The following HDAC7 variants were observed in gnomAD, a reference collection of about 807,000 sequenced individuals.
HDAC7 encodes histone deacetylase 7A.
A neutral mutation model predicts 115.5 loss-of-function variants in HDAC7; 26 were observed. The observed-to-expected ratio is 0.23, with a 90% confidence interval of 0.16 to 0.31. The LOEUF (loss-of-function observed/expected upper bound fraction) is 0.31, where lower values mean the gene tolerates loss of function less well. HDAC7 is among the 10% of genes least tolerant of loss of function. The probability of loss-of-function intolerance (pLI) is 1.00; values close to 1 mark genes in which losing one functional copy is unlikely to be tolerated. For missense variants in HDAC7, 1,068 were observed against 1,329.0 expected (o/e 0.80, Z 3.05); for synonymous variants, 564 against 550.9 (o/e 1.02, Z -0.33).
chr12:47,791,182 G>C lies in HDAC7; in HGVS notation c.1983+77C>G, dbSNP rs1199275961. On this transcript the variant is annotated intron_variant, in intron 16 of 25. Transcript: ENST00000080059. ...CACAACAAGCAGAGGTTCTGCAGGGGCTGGGCCTGGGAGAACCACAGGGAG... is the reference window on the plus strand; with the variant it reads ...CACAACAAGCAGAGGTTCTGCAGGGCCTGGGCCTGGGAGAACCACAGGGAG... 27 of 1,348,500 alleles carry C rather than the reference G, an allele frequency of 2.0e-5. No individual in the cohort carries two copies. In the East Asian group the frequency reaches 6.7e-4, roughly 34 times the overall value. 83.5% of individuals were successfully genotyped at this position (1,348,500 alleles called of 1,614,324 possible).
chr12:47,816,922 A>G (rs1483461749), intron 1 of HDAC7, among the ~76,000 whole-genome samples: 1 of 152,074 alleles, frequency 6.6e-6, no homozygotes, highest in Non-Finnish European at 1.5e-5. Context: ...GTCCATGCTC[A>G]CTCAGGCCAC....
Position 47,789,350 on chromosome 12 carries a change from TG to T in HDAC7, c.2148-3del. Reference sequence around the variant, plus strand: ...ACTGAGTTGAAGAAGCAGAAGCCCCTGGAAGGAGAGACAGGTCCTGCCAGCC... The same window carrying T: ...ACTGAGTTGAAGAAGCAGAAGCCCCTGAAGGAGAGACAGGTCCTGCCAGCC... On this transcript the variant is annotated splice_polypyrimidine_tract_variant and splice_region_variant and intron_variant, in intron 18 of 25. Transcript: ENST00000080059. 3 of 1,613,494 alleles carry T rather than the reference TG, an allele frequency of 1.9e-6. No individual in the cohort carries two copies. The highest frequency in any genetic ancestry group is 2.5e-6 in the Non-Finnish European group (3 of 1,179,686).
chr12:47,792,860 A>G, intron 13 of HDAC7: 1 of 366,144 alleles, frequency 2.7e-6, no homozygotes, highest in Non-Finnish European at 5.4e-6. Flanking sequence ...TAAGTAAAGC[A>G]GGATACAAAA....
chr12:47,795,040 G>T lies in HDAC7; in HGVS notation c.1285-107C>A. On this transcript the variant is annotated intron_variant, in intron 11 of 25. Transcript: ENST00000080059. The surrounding 1 kb of genome is among the most constrained non-coding windows in gnomAD (Gnocchi z 4.3). ...CAGTCATCTTGCTAGGACTCCAGCTGCCATGCAGCTCTGGGCCCCAAGAAG... is the reference window on the plus strand; with the variant it reads ...CAGTCATCTTGCTAGGACTCCAGCTTCCATGCAGCTCTGGGCCCCAAGAAG... 1 of 1,353,816 alleles carries T rather than the reference G, an allele frequency of 7.4e-7. No individual in the cohort carries two copies. Among genetic ancestry groups the T allele is most frequent in the Non-Finnish European group, 1.0e-6 (1 of 975,060 alleles). The allele number at this position is 1,353,816 out of a possible 1,614,324, so 83.9% of individuals were successfully genotyped here.
chr12:47,795,179 C>T lies in HDAC7; in HGVS notation c.1284+5G>A. On this transcript the variant is annotated splice_donor_5th_base_variant and intron_variant, in intron 11 of 25. Coordinates refer to ENST00000080059, the MANE Select transcript of HDAC7 (RefSeq NM_015401.5). The surrounding 1 kb of genome is among the most constrained non-coding windows in gnomAD (Gnocchi z 4.3). ...TCAATACCTCCACTGCCCAATTCCT[C>T]TCACCTTGATCACCTGGACGTGAGT... 6.2e-7 allele frequency: 1 copy of T among 1,610,574 alleles called. No individual in the cohort carries two copies.
chr12:47,802,726 G>C (rs751020565), intron 1 of HDAC7, among the ~76,000 whole-genome samples: 22 of 152,200 alleles, frequency 1.4e-4, no homozygotes, highest in African/African-American at 1.9e-4. Context: ...AGGAGAAAGG[G>C]AGGAGCAGGC....
At chr12:47,792,318 G>A (rs965205926) in intron 13 of HDAC7, 14 of 432,224 alleles carry the variant, frequency 3.2e-5, no homozygotes, top group Non-Finnish European at 4.6e-5. Flanking sequence ...CCCAGGACTC[G>A]AGGGCCCAGC....
chr12:47,802,632 C>T (rs1209383935), intron 1 of HDAC7: 6 of 663,086 alleles, frequency 9.0e-6, no homozygotes, highest in Non-Finnish European at 1.5e-5. Context: ...AGGCTCCCAT[C>T]GCCCGAGGGA....
Position 47,798,573 on chromosome 12 carries a change from T to A in HDAC7, c.338A>T (p.Lys113Met). The change falls in exon 4 of 26, where the codon AAG (lysine) becomes ATG (methionine). Residue 113 changes from lysine to methionine, a missense_variant. Lys to Met is a moderately conservative substitution (Grantham distance 95). This residue lies in a region of HDAC7 where 161 missense variants were observed against 158.5 expected (regional missense o/e 1.02). Coordinates refer to ENST00000080059, the MANE Select transcript of HDAC7 (RefSeq NM_015401.5). The surrounding 1 kb of genome is among the most constrained non-coding windows in gnomAD (Gnocchi z 4.3). Reference protein sequence around the residue: ...QELRQLLHKDKSKRSAVASSV... With the variant: ...QELRQLLHKDMSKRSAVASSV... The stretch of plus-strand genomic sequence containing the variant: ...GGCCACCTCCTTACTTCGCTTGCTC[T>A]TGTCCTTGTGGAGAAGCTGCCGCAG... The A allele has an allele frequency of 6.2e-7, 1 of 1,613,934 alleles. No homozygotes were observed. Among genetic ancestry groups the A allele is most frequent in the Non-Finnish European group, 8.5e-7 (1 of 1,179,874 alleles).
chr12:47,796,134 G>A (rs1943824099), intron 8 of HDAC7, 73 bp downstream of exon 8: 2 of 1,530,984 alleles, frequency 1.3e-6, no homozygotes, highest in East Asian at 4.7e-5. Context: ...CCCAGCCCAG[G>A]TAGGGCCGCC....
rs577764084 is a variant in HDAC7 at position 47,803,822 on chromosome 12, C to T, written c.20-1548G>A. ...GTGGTGGGCCTCAGAGGCAAACTCC[C>T]CTCCCCACGACATGGTAACCCCCAA... is the stretch of plus-strand genomic sequence containing the variant. On this transcript the variant is annotated intron_variant, in intron 1 of 25. Coordinates refer to ENST00000080059, the MANE Select transcript of HDAC7 (RefSeq NM_015401.5). This position sits in a 1 kb window ranked among gnomAD's most constrained non-coding sequence, Gnocchi z 4.0. Among the ~76,000 whole-genome samples the T allele has an allele frequency of 8.5e-5, 13 of 152,350 alleles. No homozygotes were observed. In the East Asian group the frequency reaches 2.5e-3, roughly 29 times the overall value.
At chr12:47,785,121 G>C (rs757832511) in intron 24 of HDAC7, 1 of 560,890 alleles carries the variant, frequency 1.8e-6, no homozygotes, top group Non-Finnish European at 3.2e-6. Context: ...CTGGTCTAGG[G>C]CTGTCGCTAG....
At position 47,797,115 on chromosome 12, in the gene HDAC7, T is replaced by G; in HGVS notation, c.605A>C (p.Tyr202Ser). Residue 202 changes from tyrosine to serine, a missense_variant, in exon 7 of 26, where the codon TAT becomes TCT. Coordinates refer to ENST00000080059, the MANE Select transcript of HDAC7 (RefSeq NM_015401.5). The surrounding 1 kb of genome is among the most constrained non-coding windows in gnomAD (Gnocchi z 5.5). ...TVSEPNLKLR[Y>S]KPKKSLERRK... ...CCGCTCCAGGGACTTCTTGGGCTTA[T>G]AGCGCAGCTTCAGGTTGGGCTCAGA... The G allele has an allele frequency of 6.2e-7, 1 of 1,605,538 alleles. No homozygotes were observed. Among genetic ancestry groups the G allele is most frequent in the Non-Finnish European group, 8.5e-7 (1 of 1,176,172 alleles).
At chr12:47,787,033 G>A (rs975433452) in intron 21 of HDAC7, among the ~76,000 whole-genome samples, 1 of 152,170 alleles carries the variant, frequency 6.6e-6, no homozygotes, top group Non-Finnish European at 1.5e-5. Flanking sequence ...GGGGTGCAGT[G>A]GCCGGAGCCA....
intron 1 of HDAC7, chr12:47,817,449 GCA>G (rs1944881128): frequency 6.6e-6 from 1 of 152,276 alleles, no homozygotes; most frequent in African/African-American, 2.4e-5. Flanking sequence ...ACACACAAAT[GCA>G]CAGTCCTGGG....
intron 16 of HDAC7, 67 bp downstream of exon 16, chr12:47,791,192 G>A: frequency 2.1e-6 from 3 of 1,421,896 alleles, no homozygotes; most frequent in Non-Finnish European, 2.9e-6. Context: ...GCTGGGCCTG[G>A]GAGAACCACA....
chr12:47,811,721 G>A (rs375332386), intron 1 of HDAC7, among the ~76,000 whole-genome samples: 2 of 152,144 alleles, frequency 1.3e-5, no homozygotes, highest in African/African-American at 4.8e-5. Context: ...GTGTGACCTC[G>A]GGCTCCCGTG....
intron 23 of HDAC7, 49 bp downstream of exon 23, chr12:47,785,703 G>T: frequency 6.4e-7 from 1 of 1,567,518 alleles, no homozygotes; most frequent in Non-Finnish European, 8.7e-7. Flanking sequence ...CCTGAGAGCC[G>T]GGCTTACCTG....
chr12:47,795,785 G>A lies in HDAC7; in HGVS notation c.907-18C>T. On this transcript the variant is annotated intron_variant, in intron 9 of 25. Transcript: ENST00000080059. This position sits in a 1 kb window ranked among gnomAD's most constrained non-coding sequence, Gnocchi z 4.3. ...CTGTCAGCCTGGGGGAGAGGCGGGA[G>A]AAGTCACGGGGAAGAAGATTCCAGC... 6.6e-7 allele frequency: 1 copy of A among 1,519,514 alleles called. No individual in the cohort carries two copies. Among genetic ancestry groups the A allele is most frequent in the Non-Finnish European group, 8.8e-7 (1 of 1,130,022 alleles). 94.1% of individuals were successfully genotyped at this position (1,519,514 alleles called of 1,614,324 possible).
Sources: allele counts gnomAD v4.1 joint callset (sites outside exome capture counted in the v4.1 genomes callset), GRCh38; gene constraint gnomAD v4.1.1; regional missense constraint gnomAD v4.1.1; non-coding constraint Gnocchi (gnomAD v3.1); transcripts MANE v1.5; gene names NCBI Gene and HGNC (gene_info 2026-07-23, HGNC 2026-07-21).